The following LPAR6 variants were observed in gnomAD, a reference collection of about 807,000 sequenced individuals.
LPAR6 encodes the protein G-protein coupled purinergic receptor P2Y5.
A neutral mutation model predicts 22.0 loss-of-function variants in LPAR6; 17 were observed. The observed-to-expected ratio is 0.77, with a 90% CI of 0.53 to 1.16. The LOEUF is 1.16. Ranked by LOEUF, LPAR6 falls within the 50% of genes most tolerant of loss-of-function variation. LPAR6 has a pLI of 0.00. For missense variants in LPAR6, 384 were observed against 406.9 expected (o/e 0.94, Z 0.48); for synonymous variants, 136 against 139.8 (o/e 0.97, Z 0.19).
chr13:48,400,556 T>TA (rs143341881), intron 1 of LPAR6, among the ~76,000 whole-genome samples: 2 of 152,250 alleles, frequency 1.3e-5, no homozygotes, highest in Non-Finnish European at 2.9e-5. Context: ...AAAAAGGGCC[T>TA]AGACTTTGAA....
chr13:48,423,416 C>A (rs1007265396), intron 1 of LPAR6, among the ~76,000 whole-genome samples: 1 of 152,092 alleles, frequency 6.6e-6, no homozygotes, highest in Non-Finnish European at 1.5e-5. Flanking sequence ...ACCTTACACT[C>A]TTTATGTTTA....
At chr13:48,419,822 C>T (rs184688789) in intron 2 of LPAR6, among the ~76,000 whole-genome samples, 33 of 152,290 alleles carry the variant, frequency 2.2e-4, no homozygotes, top group Non-Finnish European at 4.1e-4. Flanking sequence ...CATACACCCT[C>T]CCAAGAGTAA....
intron 1 of LPAR6, among the ~76,000 whole-genome samples, chr13:48,402,544 A>AT: frequency 6.6e-6 from 1 of 151,444 alleles, no homozygotes; most frequent in Non-Finnish European, 1.5e-5. Flanking sequence ...CACCCAGCTA[A>AT]TTTTTTTTAT....
intron 2 of LPAR6, among the ~76,000 whole-genome samples, chr13:48,422,170 T>C (rs773737368): frequency 3.3e-5 from 5 of 152,164 alleles, no homozygotes; most frequent in Non-Finnish European, 7.4e-5. Flanking sequence ...ATATATACCA[T>C]CGAATACTAT....
intron 1 of LPAR6, among the ~76,000 whole-genome samples, chr13:48,405,014 T>G (rs1269759864): frequency 6.6e-6 from 1 of 152,138 alleles, no homozygotes; most frequent in Non-Finnish European, 1.5e-5. Flanking sequence ...CTCAGAATGT[T>G]TATCTTTTGA....
At chr13:48,404,629 C>T (rs771851715) in intron 1 of LPAR6, among the ~76,000 whole-genome samples, 8 of 151,948 alleles carry the variant, frequency 5.3e-5, no homozygotes, top group Non-Finnish European at 8.8e-5. Context: ...TAGGTTCAAA[C>T]GATTCTCCTG....
At chr13:48,406,715 G>A (rs1030296340), downstream of LPAR6, 1 of 152,146 alleles carries the variant, frequency 6.6e-6, no homozygotes, top group Non-Finnish European at 1.5e-5. Flanking sequence ...TTTGCCTGTG[G>A]TGCTTGCCTT....
chr13:48,413,298 A>G (rs1357756599), upstream of LPAR6, among the ~76,000 whole-genome samples: 1 of 152,202 alleles, frequency 6.6e-6, no homozygotes, highest in Non-Finnish European at 1.5e-5. Context: ...TGGTCTGCTC[A>G]TTAACTCTTT....
upstream of LPAR6, chr13:48,427,036 G>A (rs1319537291): frequency 1.3e-5 from 2 of 153,222 alleles, no homozygotes; most frequent in African/African-American, 4.8e-5. Context: ...GATCTCTTGT[G>A]AACTAACTGA....
At position 48,411,573 on chromosome 13, in the gene LPAR6, C is replaced by A. The variant is rs1230029466; in HGVS notation, c.851G>T (p.Cys284Phe). ...PITLCIAVSN[C>F]CFDPIVYYFT... ...GTAGTAAACTATAGGGTCAAAACAA[C>A]AGTTGGAAACAGCAATACAGAGAGT... is the stretch of plus-strand genomic sequence containing the variant. The change falls in exon 1 of 1, where the codon TGT (cysteine) becomes TTT (phenylalanine). Residue 284 changes from cysteine to phenylalanine, a missense_variant. Cys to Phe is a radical substitution (Grantham distance 205, BLOSUM62 -2). Coordinates refer to ENST00000620633, the MANE Select transcript of LPAR6 (RefSeq NM_001162498.3). 2 of 1,613,572 alleles carry A rather than the reference C, an allele frequency of 1.2e-6. No homozygotes were observed. The highest frequency in any genetic ancestry group is 2.7e-5 in the African/African-American group (2 of 75,020).
At chr13:48,410,915 A>G (rs1344520730), downstream of LPAR6, 1 of 152,590 alleles carries the variant, frequency 6.6e-6, no homozygotes, top group East Asian at 1.9e-4. Flanking sequence ...CTCCCAAAAC[A>G]TTTATTTCAA....
At position 48,412,496 on chromosome 13, in the gene LPAR6, A is replaced by AGAGGTTATAATCTG; in HGVS notation, c.-74_-73insCAGATTATAACCTC. 1 of 899,778 alleles carries AGAGGTTATAATCTG rather than the reference A, an allele frequency of 1.1e-6. No individual in the cohort carries two copies. The highest frequency in any genetic ancestry group is 1.9e-6 in the Non-Finnish European group (1 of 530,166). The allele number at this position is 899,778 out of a possible 1,614,324, so 55.7% of individuals were successfully genotyped here. ...CAGTCTCCTTTGGGATTCAGATTAT[A>AGAGGTTATAATCTG]ACCTCTATAACCTCCAATTTATTTG... On this transcript the variant is annotated 5_prime_UTR_variant, in exon 1 of 1. Coordinates refer to ENST00000620633, the MANE Select transcript of LPAR6 (RefSeq NM_001162498.3).
At chr13:48,409,772 G>A (rs374414618), downstream of LPAR6, among the ~76,000 whole-genome samples, 1 of 151,384 alleles carries the variant, frequency 6.6e-6, no homozygotes, top group African/African-American at 2.4e-5. Flanking sequence ...GTAGAGACGG[G>A]GTTTCACCAT....
intron 1 of LPAR6, among the ~76,000 whole-genome samples, chr13:48,438,057 G>T (rs1466172664): frequency 6.6e-6 from 1 of 152,068 alleles, no homozygotes; most frequent in Non-Finnish European, 1.5e-5. Flanking sequence ...GCTTGGCACT[G>T]GAATTTTATT....
intron 1 of LPAR6, among the ~76,000 whole-genome samples, chr13:48,423,510 A>G (rs778747874): frequency 1.3e-5 from 2 of 152,226 alleles, no homozygotes; most frequent in African/African-American, 2.4e-5. Flanking sequence ...TTATGTTTCA[A>G]TAGCATTCTT....
chr13:48,419,919 C>G (rs1948979495), intron 2 of LPAR6, among the ~76,000 whole-genome samples: 2 of 152,080 alleles, frequency 1.3e-5, no homozygotes, highest in African/African-American at 4.8e-5. Flanking sequence ...CAAAAAAATC[C>G]CAGGAGCAGA....
At chr13:48,399,976 C>A (rs956678836) in intron 1 of LPAR6, among the ~76,000 whole-genome samples, 1 of 152,000 alleles carries the variant, frequency 6.6e-6, no homozygotes, top group African/African-American at 2.4e-5. Context: ...TACACATTAC[C>A]CATTCTCTTT....
intron 1 of LPAR6, among the ~76,000 whole-genome samples, chr13:48,398,433 T>C (rs1181213226): frequency 6.6e-6 from 1 of 152,130 alleles, no homozygotes; most frequent in African/African-American, 2.4e-5. Flanking sequence ...TATGTCTATT[T>C]TTCCATTACT....
intron 2 of LPAR6, among the ~76,000 whole-genome samples, chr13:48,418,595 T>A (rs969281045): frequency 1.3e-5 from 2 of 151,764 alleles, no homozygotes; most frequent in Admixed American, 1.3e-4. Flanking sequence ...GACTGGCAAG[T>A]TGGATAAAGA....
Sources: gnomAD v4.1 joint callset for allele counts (sites outside exome capture counted in the v4.1 genomes callset) on GRCh38, gnomAD v4.1.1 for gene constraint, MANE v1.5 for transcripts, NCBI Gene and HGNC (gene_info 2026-07-23, HGNC 2026-07-21) for gene names.